The following XKR6 variants were observed in gnomAD, a reference collection of about 807,000 sequenced individuals.
XKR6 encodes XK related 6, also known as XK-related protein 6.
XKR6 carries 22 observed loss-of-function variants against 56.7 expected under a neutral mutation model. That is an observed-to-expected ratio of 0.39 (90% CI 0.28 to 0.55). The LOEUF (loss-of-function observed/expected upper bound fraction) is 0.55. XKR6 is among the 20% of genes least tolerant of loss of function. The probability of loss-of-function intolerance (pLI) is 0.66; values close to 1 mark genes in which losing one functional copy is unlikely to be tolerated. For missense variants in XKR6, 852 were observed against 889.0 expected (o/e 0.96, Z 0.53); for synonymous variants, 524 against 387.8 (o/e 1.35, Z -4.13).
At chr8:11,002,227 T>G (rs1203530075) in intron 1 of XKR6, among the ~76,000 whole-genome samples, 1 of 152,076 alleles carries the variant, frequency 6.6e-6, no homozygotes, top group Non-Finnish European at 1.5e-5. Context: ...ACAAAGCCAC[T>G]CCCCTCTGAC....
intron 2 of XKR6, among the ~76,000 whole-genome samples, chr8:10,905,159 C>T (rs966837588): frequency 6.6e-6 from 1 of 152,132 alleles, no homozygotes; most frequent in Non-Finnish European, 1.5e-5. Flanking sequence ...CTGAAGCTGT[C>T]CCTCCTCTCC....
chr8:10,984,695 GCTCTCTCTCT>G (rs61138077), intron 1 of XKR6, among the ~76,000 whole-genome samples: 37 of 56,334 alleles, frequency 6.6e-4, no homozygotes, highest in East Asian at 1.4e-3. Flanking sequence ...AAAATACATG[GCTCTCTCTCT>G]CTCTCTCTCT....
At chr8:11,153,478 G>A (rs1311782621) in intron 1 of XKR6, among the ~76,000 whole-genome samples, 1 of 152,182 alleles carries the variant, frequency 6.6e-6, no homozygotes, top group Non-Finnish European at 1.5e-5. Flanking sequence ...CTTTGATAAA[G>A]TCAATATAAA....
At chr8:11,114,149 T>C (rs1016078736) in intron 1 of XKR6, 38 of 405,042 alleles carry the variant, frequency 9.4e-5, no homozygotes, top group Middle Eastern at 3.9e-4. Flanking sequence ...ATCTCTAACA[T>C]GACACTAAAA....
At chr8:11,005,234 G>A (rs933299215) in intron 1 of XKR6, among the ~76,000 whole-genome samples, 1 of 151,930 alleles carries the variant, frequency 6.6e-6, no homozygotes, top group African/African-American at 2.4e-5. Flanking sequence ...GCTCAACATG[G>A]CACACAACTC....
At chr8:11,165,972 T>TG (rs902423630) in intron 1 of XKR6, among the ~76,000 whole-genome samples, 1 of 147,884 alleles carries the variant, frequency 6.8e-6, no homozygotes, top group African/African-American at 2.6e-5. Flanking sequence ...TTTTTTTTTT[T>TG]TGAGATGGAG....
At chr8:11,044,649 T>C (rs1799363570) in intron 1 of XKR6, among the ~76,000 whole-genome samples, 1 of 151,856 alleles carries the variant, frequency 6.6e-6, no homozygotes. Context: ...TTTTTTTTTT[T>C]GCTCTGTCAC....
chr8:11,065,654 C>T (rs918977804), intron 1 of XKR6, among the ~76,000 whole-genome samples: 4 of 151,898 alleles, frequency 2.6e-5, no homozygotes, highest in South Asian at 4.2e-4. Context: ...TCCTGGCTTG[C>T]GAACAACTTA....
At chr8:10,943,399 C>G (rs953022349) in intron 1 of XKR6, among the ~76,000 whole-genome samples, 1 of 152,118 alleles carries the variant, frequency 6.6e-6, no homozygotes, top group Non-Finnish European at 1.5e-5. Context: ...ATGGTTGACT[C>G]CGACCTGCCT....
At chr8:11,197,128 A>G (rs1181031177) in intron 1 of XKR6, among the ~76,000 whole-genome samples, 1 of 152,220 alleles carries the variant, frequency 6.6e-6, no homozygotes, top group African/African-American at 2.4e-5. Context: ...ACCACATCCC[A>G]TCTCACAAGA....
intron 1 of XKR6, among the ~76,000 whole-genome samples, chr8:11,187,321 T>C (rs1803324951): frequency 6.6e-6 from 1 of 152,198 alleles, no homozygotes; most frequent in Non-Finnish European, 1.5e-5. Flanking sequence ...GAAATGTCAC[T>C]TAACCTTGAA....
intron 1 of XKR6, among the ~76,000 whole-genome samples, chr8:11,061,030 C>T (rs1296106581): frequency 1.3e-5 from 2 of 152,182 alleles, no homozygotes; most frequent in South Asian, 2.1e-4. Context: ...CTGAAGCCAA[C>T]GTCTACCTAG....
At chr8:11,149,708 C>T (rs1004244587) in intron 1 of XKR6, among the ~76,000 whole-genome samples, 8 of 151,968 alleles carry the variant, frequency 5.3e-5, no homozygotes, top group Admixed American at 5.2e-4. Context: ...AAACCAAAAA[C>T]AGAACCACTA....
chr8:11,112,031 T>C (rs974767729), intron 1 of XKR6: 3 of 152,250 alleles, frequency 2.0e-5, no homozygotes, highest in African/African-American at 7.2e-5. Flanking sequence ...CTCTTAAGTC[T>C]AACATTAAAG....
chr8:11,090,914 C>T (rs954564534), intron 1 of XKR6, among the ~76,000 whole-genome samples: 1 of 143,322 alleles, frequency 7.0e-6, no homozygotes, highest in Admixed American at 6.9e-5. Flanking sequence ...CTTGCAATCA[C>T]CCCATTTGAT....
chr8:10,932,279 C>T (rs1275726308), intron 1 of XKR6, among the ~76,000 whole-genome samples: 1 of 152,214 alleles, frequency 6.6e-6, no homozygotes, highest in African/African-American at 2.4e-5. Context: ...GCTTCTGACA[C>T]TCTGGAAAAC....
chr8:11,035,727 T>A (rs1178654005), intron 1 of XKR6, among the ~76,000 whole-genome samples: 1 of 152,144 alleles, frequency 6.6e-6, no homozygotes, highest in Non-Finnish European at 1.5e-5. Flanking sequence ...TTCAGATCCA[T>A]CATCCCTGTG....
intron 1 of XKR6, among the ~76,000 whole-genome samples, chr8:10,944,372 T>C (rs1439436816): frequency 6.6e-6 from 1 of 152,100 alleles, no homozygotes; most frequent in Non-Finnish European, 1.5e-5. Context: ...TTCCTGCCAC[T>C]CCCTGGACGG....
At chr8:11,151,517 A>G (rs1175352732) in intron 1 of XKR6, among the ~76,000 whole-genome samples, 1 of 152,194 alleles carries the variant, frequency 6.6e-6, no homozygotes, top group Non-Finnish European at 1.5e-5. Context: ...CAGATGTAAT[A>G]TAATTCTACC....
Sources: gnomAD v4.1 joint callset for allele counts (sites outside exome capture counted in the v4.1 genomes callset) on GRCh38, gnomAD v4.1.1 for gene constraint, MANE v1.5 for transcripts, NCBI Gene and HGNC (gene_info 2026-07-23, HGNC 2026-07-21) for gene names.